The following CLN6 variants were observed in gnomAD, a reference collection of about 807,000 sequenced individuals.
CLN6 encodes CLN6 transmembrane ER protein, also known as ceroid-lipofuscinosis neuronal protein 6.
In CLN6, 22 loss-of-function variants were observed where a neutral mutation model predicts 33.3. That is an observed-to-expected ratio of 0.66 (90% CI 0.47 to 0.94). The LOEUF is 0.94. Ranked by LOEUF, CLN6 falls within the 40% of genes least tolerant of loss-of-function variation. CLN6 has a pLI of 0.00. For synonymous variants in CLN6, 201 were observed against 174.6 expected, an observed-to-expected ratio of 1.15 and a Z score of -1.19; for missense variants, 387 against 417.1, an observed-to-expected ratio of 0.93 and a Z score of 0.63.
At position 68,211,172 on chromosome 15, in the gene CLN6, C is replaced by T; in HGVS notation, c.542+91G>A. 1.8e-6 allele frequency: 2 copies of T among 1,097,452 alleles called. No homozygotes were observed. The highest frequency in any genetic ancestry group is 1.4e-6 in the Non-Finnish European group (1 of 708,700). 68.0% of individuals were successfully genotyped at this position (1,097,452 alleles called of 1,614,324 possible). A position where few individuals can be genotyped will look rare whatever the true frequency, so the allele number is the denominator to read the frequency against. Reference sequence around the variant, plus strand: ...ACTCAACACATGGAGACCCGCAGCCCAGACAGCCTTGCTCAGTGTGTCCCT... The same window carrying T: ...ACTCAACACATGGAGACCCGCAGCCTAGACAGCCTTGCTCAGTGTGTCCCT... On this transcript the variant is annotated intron_variant, in intron 5 of 6. Transcript: ENST00000249806. This position sits in a 1 kb window ranked among gnomAD's most constrained non-coding sequence, Gnocchi z 5.9.
chr15:68,254,231 C>G (rs1370280826), intron 1 of CLN6, among the ~76,000 whole-genome samples: 2 of 152,102 alleles, frequency 1.3e-5, no homozygotes, highest in African/African-American at 4.8e-5. Flanking sequence ...GAAATTCAAG[C>G]CAGTATTATC....
chr15:68,241,536 C>A lies in CLN6; in HGVS notation c.179+15154G>T, dbSNP rs1238137792. On this transcript the variant is annotated intron_variant, in intron 1 of 6. Coordinates refer to the CLN6 transcript ENST00000538696. The surrounding 1 kb of genome is among the most constrained non-coding windows in gnomAD (Gnocchi z 4.2). ...CCATTGTGGGTTTCCTGGCAGGAGA[C>A]CTTGCCTCTGCCTCAACCCATGGGA... Among the ~76,000 whole-genome samples the A allele has an allele frequency of 1.3e-5, 2 of 151,872 alleles. No homozygotes were observed. The highest frequency in any genetic ancestry group is 1.9e-4 in the East Asian group (1 of 5,196).
At position 68,241,082 on chromosome 15, in the gene CLN6, A is replaced by C. The variant is rs1397803264; in HGVS notation, c.179+15608T>G. On this transcript the variant is annotated intron_variant, in intron 1 of 6. Coordinates refer to the CLN6 transcript ENST00000538696. This position sits in a 1 kb window ranked among gnomAD's most constrained non-coding sequence, Gnocchi z 4.2. ...AAAGCTGCAAATATGGAAGAGATGA[A>C]AAAGATAAACATGCCATAAATAACA... is the stretch of plus-strand genomic sequence containing the variant. Among the ~76,000 whole-genome samples the C allele has an allele frequency of 2.0e-5, 3 of 152,214 alleles. No homozygotes were observed. In the East Asian group the frequency reaches 5.8e-4, roughly 29 times the overall value.
rs910628645 is a variant in CLN6 at position 68,210,644 on chromosome 15, G to C, written c.542+619C>G. Among the ~76,000 whole-genome samples the C allele has an allele frequency of 6.6e-6, 1 of 152,192 alleles. No individual in the cohort carries two copies. The highest frequency in any genetic ancestry group is 1.5e-5 in the Non-Finnish European group (1 of 68,014). ...CTGGGTAAGATGGGAGGGTGGAACA[G>C]ATGAAGCCTCCCAGCCTGGGCCCGG... On this transcript the variant is annotated intron_variant, in intron 5 of 6. Transcript: ENST00000249806. The surrounding 1 kb of genome is among the most constrained non-coding windows in gnomAD (Gnocchi z 5.6).
intron 1 of CLN6, among the ~76,000 whole-genome samples, chr15:68,250,856 GT>G (rs1892372036): frequency 6.6e-6 from 1 of 152,096 alleles, no homozygotes; most frequent in Middle Eastern, 3.2e-3. Context: ...AAAATCATAA[GT>G]TGGGGACTGT....
In CLN6 at chr15:68,247,244, A is replaced by G. The variant is rs981776608; in HGVS notation, c.179+9446T>C. Among the ~76,000 whole-genome samples, 4 of 152,172 alleles carry G rather than the reference A, an allele frequency of 2.6e-5. No homozygotes were observed. Among genetic ancestry groups the G allele is most frequent in the African/African-American group, 9.7e-5 (4 of 41,410 alleles). On this transcript the variant is annotated intron_variant, in intron 1 of 6. Coordinates refer to the CLN6 transcript ENST00000538696. The surrounding 1 kb of genome is among the most constrained non-coding windows in gnomAD (Gnocchi z 4.2). ...ATTAGACTTGTACACAGAAGACATG[A>G]TCTTACATTTAGAAAAACCTAAAGA...
At chr15:68,223,439 T>C (rs2093243399) in intron 1 of CLN6, among the ~76,000 whole-genome samples, 1 of 152,140 alleles carries the variant, frequency 6.6e-6, no homozygotes, top group African/African-American at 2.4e-5. Context: ...CCTTCCTCAG[T>C]AGCCATCAGG....
At position 68,256,402 on chromosome 15, in the gene CLN6, C is replaced by T. The variant is rs926690860; in HGVS notation, c.179+288G>A. ...AGGATTACAGGTGTGAGCCACCATGCCCGGCCATTTTTCCCTTTTTTAAAT... is the reference window on the plus strand; with the variant it reads ...AGGATTACAGGTGTGAGCCACCATGTCCGGCCATTTTTCCCTTTTTTAAAT... On this transcript the variant is annotated intron_variant, in intron 1 of 6. Coordinates refer to the CLN6 transcript ENST00000538696. The surrounding 1 kb of genome is among the most constrained non-coding windows in gnomAD (Gnocchi z 4.1). Among the ~76,000 whole-genome samples the T allele has an allele frequency of 6.6e-6, 1 of 152,198 alleles. No homozygotes were observed. The highest frequency in any genetic ancestry group is 1.5e-5 in the Non-Finnish European group (1 of 68,036).
At chr15:68,254,705 T>C (rs939047794) in intron 1 of CLN6, 16 of 745,908 alleles carry the variant, frequency 2.1e-5, no homozygotes, top group East Asian at 7.4e-5. Flanking sequence ...ACAGAGAAGA[T>C]CCACGAGGTT....
In CLN6 at chr15:68,211,143, TGA is replaced by T. The variant is rs2093203690; in HGVS notation, c.542+118_542+119del. 2.3e-6 allele frequency: 2 copies of T among 875,398 alleles called. No individual in the cohort carries two copies. Among genetic ancestry groups the T allele is most frequent in the East Asian group, 2.4e-5 (1 of 41,600 alleles). 54.2% of individuals were successfully genotyped at this position (875,398 alleles called of 1,614,324 possible). On this transcript the variant is annotated intron_variant, in intron 5 of 6. Coordinates refer to ENST00000249806, the MANE Select transcript of CLN6 (RefSeq NM_017882.3). The surrounding 1 kb of genome is among the most constrained non-coding windows in gnomAD (Gnocchi z 5.9). ...GAGCTCACAGTGCCTTTACAGGGGA[TGA>T]GACTCAACACATGGAGACCCGCAGC...
chr15:68,229,738 C>T (rs1232009955), upstream of CLN6: 4 of 364,498 alleles, frequency 1.1e-5, no homozygotes, highest in Non-Finnish European at 1.7e-5. Context: ...GGCGGGGCTG[C>T]GGACCCGGGG....
At position 68,256,253 on chromosome 15, in the gene CLN6, C is replaced by G. The variant is rs766305954; in HGVS notation, c.179+437G>C. 6.6e-6 allele frequency among the ~76,000 whole-genome samples: 1 copy of G among 151,986 alleles called. No individual in the cohort carries two copies. Among genetic ancestry groups the G allele is most frequent in the East Asian group, 1.9e-4 (1 of 5,186 alleles). ...TCCCAAATAGCTAAGATTACAGCCA[C>G]GCGCCACCATGCCCAGCTAATTTTT... is the stretch of plus-strand genomic sequence containing the variant. On this transcript the variant is annotated intron_variant, in intron 1 of 6. Transcript: ENST00000538696. This position sits in a 1 kb window ranked among gnomAD's most constrained non-coding sequence, Gnocchi z 4.1.
chr15:68,210,646 T>C lies in CLN6; in HGVS notation c.542+617A>G, dbSNP rs1207838602. 2.6e-5 allele frequency among the ~76,000 whole-genome samples: 4 copies of C among 152,108 alleles called. No homozygotes were observed. The highest frequency in any genetic ancestry group is 9.7e-5 in the African/African-American group (4 of 41,432). ...GGGTAAGATGGGAGGGTGGAACAGA[T>C]GAAGCCTCCCAGCCTGGGCCCGGGA... On this transcript the variant is annotated intron_variant, in intron 5 of 6. Transcript: ENST00000249806. This position sits in a 1 kb window ranked among gnomAD's most constrained non-coding sequence, Gnocchi z 5.6.
In CLN6 at chr15:68,236,452, G is replaced by T. The variant is rs1271798942; in HGVS notation, c.180-17802C>A. Among the ~76,000 whole-genome samples, 1 of 152,348 alleles carries T rather than the reference G, an allele frequency of 6.6e-6. No individual in the cohort carries two copies. The highest frequency in any genetic ancestry group is 1.9e-4 in the East Asian group (1 of 5,184). ...AGGCACTAAGTACTGATGTAACATG[G>T]TTCAACCTTGGAAACATTATGCTAA... is the stretch of plus-strand genomic sequence containing the variant. On this transcript the variant is annotated intron_variant, in intron 1 of 6. Transcript: ENST00000538696. The surrounding 1 kb of genome is among the most constrained non-coding windows in gnomAD (Gnocchi z 4.5).
intron 1 of CLN6, among the ~76,000 whole-genome samples, chr15:68,237,543 C>G (rs1329776637): frequency 6.6e-6 from 1 of 152,012 alleles, no homozygotes; most frequent in Non-Finnish European, 1.5e-5. Context: ...ACAGGCTAAA[C>G]TATAGATTAA....
At chr15:68,257,186 C>A (rs4776393), upstream of CLN6, 224,781 of 252,836 alleles carry the variant, frequency 0.89, 104,917 homozygotes, top group Non-Finnish European at 0.99. Flanking sequence ...CCCGGCGTCG[C>A]TGAGGGCTTG....
intron 1 of CLN6, among the ~76,000 whole-genome samples, chr15:68,253,566 T>C (rs1189685236): frequency 2.6e-5 from 4 of 152,252 alleles, no homozygotes; most frequent in Non-Finnish European, 5.9e-5. Context: ...AACCACTGTT[T>C]AATAATGTCT....
intron 2 of CLN6, among the ~76,000 whole-genome samples, chr15:68,217,338 C>A (rs978298617): frequency 1.3e-5 from 2 of 152,122 alleles, no homozygotes; most frequent in African/African-American, 4.8e-5. Flanking sequence ...CTCAGGAGAT[C>A]TTCCCAGCTC....
chr15:68,254,757 A>G, intron 1 of CLN6: 1 of 785,704 alleles, frequency 1.3e-6, no homozygotes, highest in Non-Finnish European at 2.3e-6. Flanking sequence ...CCCAAACCTA[A>G]AAAGGCCCCT....
Sources: gnomAD v4.1 joint callset for allele counts (sites outside exome capture counted in the v4.1 genomes callset) on GRCh38, gnomAD v4.1.1 for gene constraint, Gnocchi (gnomAD v3.1) non-coding constraint, MANE v1.5 for transcripts, NCBI Gene and HGNC (gene_info 2026-07-23, HGNC 2026-07-21) for gene names.